Variants in MAF observed in about 807,000 individuals in gnomAD.
The protein encoded by MAF is MAF bZIP transcription factor, also known as transcription factor Maf.
MAF carries 10 observed loss-of-function variants against 22.0 expected under a neutral mutation model. The ratio of observed to expected loss-of-function variants is 0.45; its 90% CI spans 0.28 to 0.77. The LOEUF (loss-of-function observed/expected upper bound fraction) is 0.77. Among genes scored for constraint, MAF ranks in the 30% least tolerant of loss-of-function variants. MAF has a pLI of 0.12. For synonymous variants in MAF, 337 were observed against 255.8 expected (o/e 1.32, Z -3.03); for missense variants, 544 against 548.4 (o/e 0.99, Z 0.08).
At chr16:79,334,192 C>G in the MAF span, among the ~76,000 whole-genome samples, 2 of 152,218 alleles carry the variant, frequency 1.3e-5, no homozygotes, top group African/African-American at 4.8e-5. Context: ...CAGAAGACAA[C>G]CCAAGTGTCT....
At chr16:79,482,418 T>C in the MAF span, among the ~76,000 whole-genome samples, 1 of 152,160 alleles carries the variant, frequency 6.6e-6, no homozygotes, top group Non-Finnish European at 1.5e-5. Context: ...GATTGTCAAA[T>C]CAGCGACCTG....
the MAF span, among the ~76,000 whole-genome samples, chr16:79,471,498 C>T: frequency 6.6e-6 from 1 of 152,252 alleles, no homozygotes; most frequent in South Asian, 2.1e-4. Context: ...GACAGGCTAA[C>T]TCCTGTCTCT....
the MAF span, among the ~76,000 whole-genome samples, chr16:79,215,924 A>G: frequency 6.6e-6 from 1 of 152,004 alleles, no homozygotes. Flanking sequence ...CCTCATGCCC[A>G]TTTCTCCCTG....
At chr16:79,467,735 C>G in the MAF span, among the ~76,000 whole-genome samples, 3 of 152,122 alleles carry the variant, frequency 2.0e-5, no homozygotes, top group Admixed American at 2.0e-4. Flanking sequence ...ACAAGCCCCC[C>G]AGTGATGCCA....
chr16:79,279,082 G>C, the MAF span, among the ~76,000 whole-genome samples: 1 of 152,170 alleles, frequency 6.6e-6, no homozygotes, highest in Non-Finnish European at 1.5e-5. Flanking sequence ...CTCACCTCCA[G>C]CTGCTCCGGA....
intron 1 of MAF, among the ~76,000 whole-genome samples, chr16:79,588,199 T>C (rs1310029314): frequency 6.6e-6 from 1 of 152,172 alleles, no homozygotes; most frequent in African/African-American, 2.4e-5. Context: ...TACATGGGGA[T>C]CGCAACCTGA....
chr16:79,594,681 C>T (rs1913407207), intron 1 of MAF, 128 bp from the exon 2 acceptor site: 1 of 1,490,392 alleles, frequency 6.7e-7, no homozygotes, highest in African/African-American at 1.4e-5. Context: ...TAATGAATGG[C>T]ACTTACTCAG....
At chr16:79,342,276 C>T in the MAF span, among the ~76,000 whole-genome samples, 1 of 152,176 alleles carries the variant, frequency 6.6e-6, no homozygotes, top group African/African-American at 2.4e-5. Flanking sequence ...TCTACAAGTG[C>T]CCCTTGCCAA....
chr16:79,458,342 T>A, the MAF span, among the ~76,000 whole-genome samples: 3 of 152,208 alleles, frequency 2.0e-5, no homozygotes, highest in South Asian at 6.3e-4. Flanking sequence ...ACAAGTGGAT[T>A]TTTCAGTCAC....
At chr16:79,386,460 G>A in the MAF span, among the ~76,000 whole-genome samples, 1 of 152,232 alleles carries the variant, frequency 6.6e-6, no homozygotes, top group African/African-American at 2.4e-5. Flanking sequence ...AGGAGACGGA[G>A]CTCAGGAGGT....
At chr16:79,390,019 A>G in the MAF span, among the ~76,000 whole-genome samples, 1 of 151,356 alleles carries the variant, frequency 6.6e-6, no homozygotes, top group South Asian at 2.1e-4. Flanking sequence ...ATAAAAAAAA[A>G]TCCTTAGATT....
the MAF span, among the ~76,000 whole-genome samples, chr16:79,452,424 G>A: frequency 1.3e-5 from 2 of 152,242 alleles, no homozygotes; most frequent in South Asian, 2.1e-4. Flanking sequence ...TAAACTGTTA[G>A]TAAGGAAAGT....
chr16:79,398,413 C>T, the MAF span, among the ~76,000 whole-genome samples: 7 of 152,184 alleles, frequency 4.6e-5, no homozygotes, highest in Admixed American at 3.3e-4. Flanking sequence ...TATTTGCATA[C>T]TCCTCAGGGA....
the MAF span, among the ~76,000 whole-genome samples, chr16:79,272,806 C>T: frequency 6.6e-4 from 101 of 152,268 alleles, no homozygotes; most frequent in Admixed American, 1.0e-3. Context: ...CGATATTTTT[C>T]CCTGCTGTCC....
the MAF span, among the ~76,000 whole-genome samples, chr16:79,289,848 T>A: frequency 4.2e-5 from 4 of 95,422 alleles, no homozygotes; most frequent in African/African-American, 1.6e-4. Flanking sequence ...GGATGTTTGT[T>A]TGTGTATTTT....
At chr16:79,540,699 G>A in the MAF span, among the ~76,000 whole-genome samples, 2 of 152,190 alleles carry the variant, frequency 1.3e-5, no homozygotes, top group Non-Finnish European at 2.9e-5. Context: ...GGTTGACAAT[G>A]TAGATCGAAT....
chr16:79,501,816 T>A, the MAF span, among the ~76,000 whole-genome samples: 8 of 152,162 alleles, frequency 5.3e-5, no homozygotes, highest in African/African-American at 1.9e-4. Flanking sequence ...AAAGAAAACT[T>A]CCATTATATT....
the MAF span, among the ~76,000 whole-genome samples, chr16:79,302,274 C>G: frequency 1.3e-5 from 2 of 152,224 alleles, no homozygotes; most frequent in Non-Finnish European, 2.9e-5. Flanking sequence ...GGATTACGTT[C>G]TGGTTGACTT....
chr16:79,253,864 G>C, the MAF span, among the ~76,000 whole-genome samples: 1 of 151,982 alleles, frequency 6.6e-6, no homozygotes. Flanking sequence ...AAGAATCCTA[G>C]GGGTTCTTTT....
Sources: gnomAD v4.1 joint callset for allele counts (sites outside exome capture counted in the v4.1 genomes callset) on GRCh38, gnomAD v4.1.1 for gene constraint, MANE v1.5 for transcripts, NCBI Gene and HGNC (gene_info 2026-07-23, HGNC 2026-07-21) for gene names.